Variants in PCA3 observed in about 807,000 individuals in gnomAD.
The protein encoded by PCA3 is prostate cancer associated 3.
chr9:76,764,631 G>A (rs1486691832), intron 2 of PCA3: 1 of 152,236 alleles, frequency 6.6e-6, no homozygotes, highest in African/African-American at 2.4e-5. Flanking sequence ...TTAAAGTTGG[G>A]GAAGAGGTTT....
intron 2 of PCA3, among the ~76,000 whole-genome samples, chr9:76,773,483 G>A (rs1335418127): frequency 2.3e-5 from 3 of 127,808 alleles, no homozygotes; most frequent in Non-Finnish European, 4.7e-5. Flanking sequence ...CGCTCTTGTC[G>A]CCCAGGCTGG....
intron 2 of PCA3, among the ~76,000 whole-genome samples, chr9:76,766,098 G>A (rs927672691): frequency 6.0e-5 from 9 of 150,918 alleles, no homozygotes; most frequent in African/African-American, 1.9e-4. Context: ...CAGGAGAATC[G>A]CTTGAACCCT....
chr9:76,782,251 A>G (rs1394252487), intron 2 of PCA3, among the ~76,000 whole-genome samples: 2 of 152,150 alleles, frequency 1.3e-5, no homozygotes, highest in Non-Finnish European at 2.9e-5. Context: ...GAAAGCCTAA[A>G]TGGTCTACAG....
At chr9:76,766,424 T>C (rs2052398134) in intron 2 of PCA3, among the ~76,000 whole-genome samples, 1 of 152,152 alleles carries the variant, frequency 6.6e-6, no homozygotes, top group Non-Finnish European at 1.5e-5. Flanking sequence ...TCTTTTCTTA[T>C]GTCTTTAACG....
At chr9:76,768,161 C>A (rs909744040) in intron 2 of PCA3, among the ~76,000 whole-genome samples, 1 of 152,044 alleles carries the variant, frequency 6.6e-6, no homozygotes, top group Non-Finnish European at 1.5e-5. Flanking sequence ...CTTGGCTATA[C>A]CTTGCCCTTG....
intron 2 of PCA3, among the ~76,000 whole-genome samples, chr9:76,780,607 C>T (rs866310062): frequency 6.6e-6 from 1 of 152,108 alleles, no homozygotes; most frequent in South Asian, 2.1e-4. Flanking sequence ...AGGAGAATGG[C>T]GTGAACCCAG....
chr9:76,766,888 C>T (rs1257034778), intron 2 of PCA3, among the ~76,000 whole-genome samples: 1 of 152,176 alleles, frequency 6.6e-6, no homozygotes, highest in African/African-American at 2.4e-5. Flanking sequence ...CATACACAGG[C>T]ATACACATAC....
intron 2 of PCA3, chr9:76,784,322 G>A (rs2131278882): frequency 6.6e-6 from 1 of 152,268 alleles, no homozygotes; most frequent in Non-Finnish European, 1.5e-5. Flanking sequence ...ACCAATGAGA[G>A]GAAAACAGAC....
At chr9:76,777,945 T>C (rs2131122451) in intron 2 of PCA3, among the ~76,000 whole-genome samples, 1 of 152,266 alleles carries the variant, frequency 6.6e-6, no homozygotes, top group South Asian at 2.1e-4. Context: ...TGCTGTGTTC[T>C]AGGAAAAGCA....
At chr9:76,774,459 T>TTATTTATTTATTTA (rs2053502173) in intron 2 of PCA3, among the ~76,000 whole-genome samples, 2 of 139,036 alleles carry the variant, frequency 1.4e-5, no homozygotes, top group Non-Finnish European at 3.2e-5. Context: ...CCTTTTTTTT[T>TTATTTATTTATTTA]TTTTTTTTTT....
At chr9:76,775,859 G>A (rs1313010395) in intron 2 of PCA3, among the ~76,000 whole-genome samples, 2 of 152,086 alleles carry the variant, frequency 1.3e-5, no homozygotes, top group Non-Finnish European at 2.9e-5. Flanking sequence ...CCTTTAGCTC[G>A]GACCAACACC....
At chr9:76,771,914 C>T (rs1304772182) in intron 2 of PCA3, among the ~76,000 whole-genome samples, 1 of 152,212 alleles carries the variant, frequency 6.6e-6, no homozygotes, top group African/African-American at 2.4e-5. Context: ...AGCAGAAATG[C>T]TCACCTTGTG....
At chr9:76,768,223 C>T (rs1292891364) in intron 2 of PCA3, among the ~76,000 whole-genome samples, 2 of 151,686 alleles carry the variant, frequency 1.3e-5, no homozygotes, top group African/African-American at 2.4e-5. Flanking sequence ...GATGGATTCT[C>T]GCTCTGTCGC....
At chr9:76,765,833 G>A (rs1429399709) in intron 2 of PCA3, among the ~76,000 whole-genome samples, 1 of 152,146 alleles carries the variant, frequency 6.6e-6, no homozygotes, top group African/African-American at 2.4e-5. Flanking sequence ...GGTTAGTTTA[G>A]ATAACCTCTA....
At chr9:76,783,186 G>A (rs1021460605) in intron 2 of PCA3, among the ~76,000 whole-genome samples, 5 of 152,080 alleles carry the variant, frequency 3.3e-5, no homozygotes, top group Non-Finnish European at 4.4e-5. Context: ...GCCCAGGTTC[G>A]AGTGCAATGG....
chr9:76,772,513 A>G (rs2053225388), intron 2 of PCA3, among the ~76,000 whole-genome samples: 1 of 152,108 alleles, frequency 6.6e-6, no homozygotes, highest in African/African-American at 2.4e-5. Context: ...AGTTTTGCAA[A>G]AGTCTCCTCC....
intron 2 of PCA3, chr9:76,779,972 T>C (rs1329458788): frequency 6.6e-6 from 1 of 152,198 alleles, no homozygotes; most frequent in Non-Finnish European, 1.5e-5. Flanking sequence ...GGGATTCAAC[T>C]AGAAATATAG....
intron 2 of PCA3, among the ~76,000 whole-genome samples, chr9:76,781,989 T>TGGATC (rs200681142): frequency 0.011 from 1,651 of 151,762 alleles, 29 homozygotes; most frequent in African/African-American, 0.038. Flanking sequence ...CCGAAGCAGG[T>TGGATC]GGATCATGAG....
chr9:76,777,898 G>A (rs1027538872), intron 2 of PCA3, among the ~76,000 whole-genome samples: 4 of 152,168 alleles, frequency 2.6e-5, no homozygotes, highest in African/African-American at 4.8e-5. Flanking sequence ...TCAGAGAGGG[G>A]ACAGCAGGTA....
Sources: allele counts gnomAD v4.1 joint callset (sites outside exome capture counted in the v4.1 genomes callset), GRCh38; gene constraint gnomAD v4.1.1; transcripts MANE v1.5; gene names NCBI Gene and HGNC (gene_info 2026-07-23, HGNC 2026-07-21).